Variants in RAB32 observed in about 807,000 individuals in gnomAD.
RAB32 encodes the protein ras-related protein Rab-32.
RAB32 carries 17 observed loss-of-function variants against 17.5 expected under a neutral mutation model. The ratio of observed to expected loss-of-function variants is 0.97; its 90% CI spans 0.67 to 1.46. The LOEUF is 1.46. Ranked by LOEUF, RAB32 falls within the 40% of genes most tolerant of loss-of-function variation. RAB32 has a pLI of 0.00. For synonymous variants in RAB32, 115 were observed against 111.1 expected (o/e 1.04, Z -0.22); for missense variants, 288 against 284.3 (o/e 1.01, Z -0.09).
chr6:146,550,466 G>A (rs1779882840), intron 2 of RAB32, among the ~76,000 whole-genome samples: 1 of 151,892 alleles, frequency 6.6e-6, no homozygotes, highest in South Asian at 2.1e-4. Flanking sequence ...AGACCAGCCT[G>A]GGCAACGTGG....
Position 146,543,860 on chromosome 6 carries a change from G to A in RAB32, c.-12G>A, listed in dbSNP as rs1283949629. ...ACTCGGAGTCGAGGCGCGCCCGACA[G>A]CCGCAGCGCTCATGGCGGGCGGAGG... On this transcript the variant is annotated 5_prime_UTR_variant, in exon 1 of 3. Coordinates refer to ENST00000367495, the MANE Select transcript of RAB32 (RefSeq NM_006834.5). The A allele has an allele frequency of 1.4e-6, 2 of 1,400,528 alleles. No homozygotes were observed. Among genetic ancestry groups the A allele is most frequent in the African/African-American group, 3.0e-5 (2 of 65,842 alleles). The allele number at this position is 1,400,528 out of a possible 1,614,324, so 86.8% of individuals were successfully genotyped here. A position where few individuals can be genotyped will look rare whatever the true frequency, so the allele number is the denominator to read the frequency against.
intron 2 of RAB32, among the ~76,000 whole-genome samples, chr6:146,550,593 G>C (rs1234757289): frequency 6.6e-6 from 1 of 150,556 alleles, no homozygotes; most frequent in Non-Finnish European, 1.5e-5. Context: ...GGAGGCAGAG[G>C]TTGCAGTGAG....
intron 1 of RAB32, among the ~76,000 whole-genome samples, chr6:146,547,722 CAAAA>C (rs34641788): frequency 4.6e-5 from 5 of 109,618 alleles, no homozygotes; most frequent in South Asian, 3.0e-4. Context: ...AGATGATTCA[CAAAA>C]AAAAAAAAAA....
chr6:146,544,991 C>T (rs1779802410), intron 1 of RAB32, among the ~76,000 whole-genome samples: 1 of 152,092 alleles, frequency 6.6e-6, no homozygotes, highest in Non-Finnish European at 1.5e-5. Context: ...GCCTGTAATC[C>T]CAGCACTTTG....
At position 146,549,478 on chromosome 6, in the gene RAB32, G is replaced by T; in HGVS notation, c.265G>T (p.Gly89Cys). Reference sequence around the variant, plus strand: ...TTTATGTCTAGGGCAGGAGCGATTTGGCAACATGACCCGAGTATACTACAA... The same window carrying T: ...TTTATGTCTAGGGCAGGAGCGATTTTGCAACATGACCCGAGTATACTACAA... Reference protein sequence around the residue: ...LWDIAGQERFGNMTRVYYKEA... With the variant: ...LWDIAGQERFCNMTRVYYKEA... The change falls in exon 2 of 3, where the codon GGC becomes TGC. Residue 89 changes from glycine (G) to cysteine (C), a missense_variant. Physicochemically the swap from Gly to Cys is radical, Grantham distance 159. Transcript: ENST00000367495. 6.2e-7 allele frequency: 1 copy of T among 1,613,488 alleles called. No individual in the cohort carries two copies. Among genetic ancestry groups the T allele is most frequent in the South Asian group, 1.1e-5 (1 of 91,030 alleles).
chr6:146,554,345 T>G (rs1177703706), intron 2 of RAB32, 111 bp from the exon 3 acceptor site: 5 of 1,007,606 alleles, frequency 5.0e-6, no homozygotes. Context: ...AAAGTGGCTG[T>G]GCACTTGCTG....
intron 1 of RAB32, among the ~76,000 whole-genome samples, chr6:146,546,603 G>A (rs1362014416): frequency 6.6e-6 from 1 of 152,016 alleles, no homozygotes. Flanking sequence ...ATGTAATGAA[G>A]GCAAACTGAT....
At chr6:146,550,477 C>T (rs567138896) in intron 2 of RAB32, among the ~76,000 whole-genome samples, 89 of 151,546 alleles carry the variant, frequency 5.9e-4, no homozygotes, top group Middle Eastern at 6.8e-3. Context: ...GGCAACGTGG[C>T]GAAACCCTGT....
At chr6:146,553,300 A>G (rs1779917925) in intron 2 of RAB32, among the ~76,000 whole-genome samples, 1 of 152,292 alleles carries the variant, frequency 6.6e-6, no homozygotes, top group Admixed American at 6.5e-5. Flanking sequence ...GAAACAGGAT[A>G]TTTACATATT....
In RAB32 at chr6:146,552,807, C is replaced by T. The variant is rs184053283; in HGVS notation, c.529-1649C>T. On this transcript the variant is annotated intron_variant, in intron 2 of 2. Transcript: ENST00000367495. ...TCTAGAGAAATGCCTGATTTTAGGACGGGTGGAACAAGTCAAGTAAAGATG... is the reference window on the plus strand; with the variant it reads ...TCTAGAGAAATGCCTGATTTTAGGATGGGTGGAACAAGTCAAGTAAAGATG... Among the ~76,000 whole-genome samples the T allele has an allele frequency of 3.0e-3, 457 of 152,164 alleles. 6 individuals are homozygous for T. The highest frequency in any genetic ancestry group is 0.011 in the African/African-American group (438 of 41,506).
Position 146,543,908 on chromosome 6 carries a change from G to A in RAB32, c.37G>A (p.Ala13Thr). 1.3e-6 allele frequency: 2 copies of A among 1,590,162 alleles called. No individual in the cohort carries two copies. The highest frequency in any genetic ancestry group is 1.7e-6 in the Non-Finnish European group (2 of 1,170,338). ...GGGAGDPGLG[A>T]AAAPAPETRE... ...AGGAGCCGGGGACCCCGGCCTGGGG[G>A]CGGCCGCCGCCCCAGCGCCCGAGAC... The change falls in exon 1 of 3, where the codon GCG (alanine) becomes ACG (threonine). Residue 13 changes from alanine to threonine, a missense_variant. Coordinates refer to ENST00000367495, the MANE Select transcript of RAB32 (RefSeq NM_006834.5).
At position 146,546,782 on chromosome 6, in the gene RAB32, G is replaced by GTTT. The variant is rs962778741; in HGVS notation, c.251-2662_251-2660dup. On this transcript the variant is annotated intron_variant, in intron 1 of 2. Coordinates refer to ENST00000367495, the MANE Select transcript of RAB32 (RefSeq NM_006834.5). ...AAGGTGTGGTGTTTTTACTAGTTAG[G>GTTT]TTTTTTTTTTTTTTTTTTTTTTGGT... 2.1e-3 allele frequency among the ~76,000 whole-genome samples: 246 copies of GTTT among 118,436 alleles called. 4 individuals are homozygous for GTTT. Among genetic ancestry groups the GTTT allele is most frequent in the African/African-American group, 7.8e-3 (223 of 28,700 alleles). 77.7% of individuals were successfully genotyped at this position (118,436 alleles called of 152,430 possible).
chr6:146,551,293 C>T (rs538936310), intron 2 of RAB32, among the ~76,000 whole-genome samples: 1 of 152,128 alleles, frequency 6.6e-6, no homozygotes, highest in Non-Finnish European at 1.5e-5. Context: ...TAATCTGACA[C>T]GAAGGAGAAA....
intron 2 of RAB32, among the ~76,000 whole-genome samples, chr6:146,554,196 C>T (rs1197076654): frequency 6.6e-6 from 1 of 152,080 alleles, no homozygotes; most frequent in African/African-American, 2.4e-5. Context: ...GTCGAGATAG[C>T]TCATGGAACC....
chr6:146,550,460 C>T (rs926404308), intron 2 of RAB32, among the ~76,000 whole-genome samples: 2 of 151,806 alleles, frequency 1.3e-5, no homozygotes, highest in African/African-American at 4.8e-5. Context: ...AGTTCGAGAC[C>T]AGCCTGGGCA....
intron 1 of RAB32, among the ~76,000 whole-genome samples, chr6:146,548,235 A>G (rs896729942): frequency 5.9e-5 from 9 of 152,194 alleles, no homozygotes; most frequent in Middle Eastern, 3.2e-3. Flanking sequence ...CAGTTAAACC[A>G]TATGAGGAGT....
At chr6:146,548,728 A>G (rs1339396574) in intron 1 of RAB32, among the ~76,000 whole-genome samples, 1 of 152,200 alleles carries the variant, frequency 6.6e-6, no homozygotes, top group African/African-American at 2.4e-5. Context: ...TATGCCAAAG[A>G]TTAGTACAAT....
Position 146,549,607 on chromosome 6 carries a change from A to T in RAB32, c.394A>T (p.Asn132Tyr). Reference protein sequence around the residue: ...SDLDSKVHLPNGSPIPAVLLA... With the variant: ...SDLDSKVHLPYGSPIPAVLLA... ...TCTGGATAGTAAAGTTCATCTTCCA[A>T]ATGGCAGCCCTATCCCTGCTGTCCT... The change falls in exon 2 of 3, where the codon AAT becomes TAT. Residue 132 changes from asparagine (N) to tyrosine (Y), a missense_variant. Transcript: ENST00000367495. 6.2e-7 allele frequency: 1 copy of T among 1,614,182 alleles called. No homozygotes were observed. The highest frequency in any genetic ancestry group is 2.2e-5 in the East Asian group (1 of 44,886).
intron 2 of RAB32, among the ~76,000 whole-genome samples, chr6:146,550,729 G>C (rs187359727): frequency 4.1e-4 from 59 of 143,032 alleles, no homozygotes; most frequent in Non-Finnish European, 7.1e-4. Flanking sequence ...ATGTTTGGGG[G>C]GGGGGTTACG....
Sources: allele counts gnomAD v4.1 joint callset (sites outside exome capture counted in the v4.1 genomes callset), GRCh38; gene constraint gnomAD v4.1.1; transcripts MANE v1.5; gene names NCBI Gene and HGNC (gene_info 2026-07-23, HGNC 2026-07-21).